The following FNDC1 variants were observed in gnomAD, a reference collection of about 807,000 sequenced individuals.
The protein encoded by FNDC1 is fibronectin type III domain containing 1.
A neutral mutation model predicts 168.0 loss-of-function variants in FNDC1; 96 were observed. The ratio of observed to expected loss-of-function variants is 0.57; its 90% CI spans 0.48 to 0.68. The LOEUF (loss-of-function observed/expected upper bound fraction) is 0.68. Among genes scored for constraint, FNDC1 ranks in the 30% least tolerant of loss-of-function variants. FNDC1 has a pLI of 0.00. For missense variants in FNDC1, 2,587 were observed against 2,482.1 expected (o/e 1.04, Z -0.90); for synonymous variants, 1,099 against 1,025.9 (o/e 1.07, Z -1.36).
chr6:159,218,879 C>T (rs563270068), intron 5 of FNDC1, among the ~76,000 whole-genome samples: 1 of 152,150 alleles, frequency 6.6e-6, no homozygotes. Context: ...CAAGGGACTT[C>T]CTTCTACAAG....
chr6:159,252,871 AG>A lies in FNDC1; in HGVS notation c.5065+1343del, dbSNP rs551283852. On this transcript the variant is annotated intron_variant, in intron 17 of 22. Transcript: ENST00000297267. The stretch of plus-strand genomic sequence containing the variant: ...AAATATATCACTGCGCCCTGATTCA[AG>A]GGGCTTCTAAGAAACATTGGCTGCA... 1.0e-3 allele frequency among the ~76,000 whole-genome samples: 153 copies of A among 152,342 alleles called. 1 individual carries two copies. The highest frequency in any genetic ancestry group is 1.9e-3 in the Non-Finnish European group (128 of 68,036).
At chr6:159,204,672 A>C (rs1480829207) in intron 4 of FNDC1, among the ~76,000 whole-genome samples, 2 of 152,126 alleles carry the variant, frequency 1.3e-5, no homozygotes, top group African/African-American at 4.8e-5. Flanking sequence ...CCAGCTATCT[A>C]GCTTTCTCTG....
chr6:159,265,939 C>A, intron 20 of FNDC1, 145 bp from the exon 21 acceptor site: 3 of 889,646 alleles, frequency 3.4e-6, no homozygotes, highest in Non-Finnish European at 4.9e-6. Flanking sequence ...AACAAACAAA[C>A]AAACAACAAC....
intron 22 of FNDC1, 88 bp downstream of exon 22, chr6:159,268,014 T>A: frequency 7.1e-7 from 1 of 1,410,560 alleles, no homozygotes; most frequent in East Asian, 2.5e-5. Context: ...GGTCTGCCTT[T>A]GCCTTGTCAT....
intron 22 of FNDC1, among the ~76,000 whole-genome samples, chr6:159,268,270 G>C (rs1429032710): frequency 6.6e-6 from 1 of 151,986 alleles, no homozygotes; most frequent in Non-Finnish European, 1.5e-5. Flanking sequence ...TAATCTCAAA[G>C]GTTAACAATT....
rs2115041850 is a variant in FNDC1, at chr6:159,271,973, A to T, written c.*531A>T. ...TGAAATTTACTCTATGGACTTACCCACTGCTAGAATAAATGTATCAAATCT... is the reference window on the plus strand; with the variant it reads ...TGAAATTTACTCTATGGACTTACCCTCTGCTAGAATAAATGTATCAAATCT... On this transcript the variant is annotated 3_prime_UTR_variant, in exon 23 of 23. Coordinates refer to ENST00000297267, the MANE Select transcript of FNDC1 (RefSeq NM_032532.3). 1 of 153,254 alleles carries T rather than the reference A, an allele frequency of 6.5e-6. No individual in the cohort carries two copies. The highest frequency in any genetic ancestry group is 1.5e-5 in the Non-Finnish European group (1 of 68,710). 9.5% of individuals were successfully genotyped at this position (153,254 alleles called of 1,614,324 possible). A position where few individuals can be genotyped will look rare whatever the true frequency, so the allele number is the denominator to read the frequency against.
rs1421800148 is a variant in FNDC1 at position 159,169,595 on chromosome 6, C to G, written c.-2C>G. ...CCAGCCCCGGCCCACCCCGGGCTCT[C>G]GATGGCCCCCGAGGCCGGGGCGACC... is the stretch of plus-strand genomic sequence containing the variant. On this transcript the variant is annotated 5_prime_UTR_variant, in exon 1 of 23. Transcript: ENST00000297267. The surrounding 1 kb of genome is among the most constrained non-coding windows in gnomAD (Gnocchi z 6.8). 5.4e-6 allele frequency: 6 copies of G among 1,104,984 alleles called. No homozygotes were observed. Among genetic ancestry groups the G allele is most frequent in the Non-Finnish European group, 6.6e-6 (6 of 906,270 alleles). The allele number at this position is 1,104,984 out of a possible 1,614,324, so 68.4% of individuals were successfully genotyped here.
intron 14 of FNDC1, among the ~76,000 whole-genome samples, chr6:159,242,657 C>T (rs1330406024): frequency 6.6e-6 from 1 of 152,012 alleles, no homozygotes; most frequent in East Asian, 1.9e-4. Context: ...TTTTCATCAC[C>T]CCAGGAGAAA....
chr6:159,216,129 T>C (rs1782704896), intron 5 of FNDC1, among the ~76,000 whole-genome samples: 2 of 152,020 alleles, frequency 1.3e-5, no homozygotes, highest in African/African-American at 2.4e-5. Flanking sequence ...ACCCAGCTGA[T>C]TTTTGTATTT....
At chr6:159,219,249 A>C (rs437074) in intron 5 of FNDC1, among the ~76,000 whole-genome samples, 70,384 of 152,012 alleles carry the variant, frequency 0.46, 17,829 homozygotes, top group East Asian at 0.68. Context: ...CCATGTTGGC[A>C]AGGCTGGCCT....
At chr6:159,257,899 C>A (rs1777407677) in intron 18 of FNDC1, among the ~76,000 whole-genome samples, 1 of 125,578 alleles carries the variant, frequency 8.0e-6, no homozygotes, top group African/African-American at 2.9e-5. Flanking sequence ...AAAATGGAGT[C>A]AATGTCTTTT....
intron 17 of FNDC1, among the ~76,000 whole-genome samples, chr6:159,252,190 G>A (rs1373011578): frequency 1.3e-5 from 2 of 152,184 alleles, no homozygotes; most frequent in Admixed American, 6.5e-5. Flanking sequence ...CTTATGGAAA[G>A]AGAATTGATA....
intron 10 of FNDC1, among the ~76,000 whole-genome samples, chr6:159,230,856 T>C (rs1398657393): frequency 2.0e-5 from 3 of 152,208 alleles, no homozygotes; most frequent in Non-Finnish European, 4.4e-5. Flanking sequence ...CACTGCAATA[T>C]AGGTTCCTCT....
chr6:159,182,138 A>G (rs530014027), intron 1 of FNDC1, among the ~76,000 whole-genome samples: 4 of 152,312 alleles, frequency 2.6e-5, no homozygotes, highest in African/African-American at 7.2e-5. Context: ...CTGCATCATG[A>G]CTGCACTTTC....
rs535041039 is a variant in FNDC1, at chr6:159,197,570, T to C, written c.249T>C (p.Ser83=). The C allele has an allele frequency of 9.9e-5, 160 of 1,613,884 alleles. No individual in the cohort carries two copies. The African/African-American group carries it at 1.1e-3, about 11-fold the overall frequency. Residue 83 remains serine, a synonymous_variant, in exon 2 of 23, where the codon AGT becomes AGC. Coordinates refer to ENST00000297267, the MANE Select transcript of FNDC1 (RefSeq NM_032532.3). ...TTGCCTATGGGAAGTCACTGAAAAG[T>C]CTTAAATACATCAAGGTGAATGCGG... ...YNIAYGKSLK[S]LKYIKVNAET...
Position 159,267,906 on chromosome 6 carries a change from A to G in FNDC1, c.5549A>G (p.Glu1850Gly), listed in dbSNP as rs1246993853. ...DGRTGPQSYV[E>G]ALPTIQGYYR... Reference sequence around the variant, plus strand: ...AGAACAGGGCCTCAGTCCTATGTAGAAGCCCTCCCTACTATTCAAGGTAAT... The same window carrying G: ...AGAACAGGGCCTCAGTCCTATGTAGGAGCCCTCCCTACTATTCAAGGTAAT... Residue 1850 changes from glutamate (E) to glycine (G), a missense_variant, in exon 22 of 23, where the codon GAA becomes GGA. Coordinates refer to ENST00000297267, the MANE Select transcript of FNDC1 (RefSeq NM_032532.3). 6.2e-7 allele frequency: 1 copy of G among 1,611,388 alleles called. No homozygotes were observed. Among genetic ancestry groups the G allele is most frequent in the Non-Finnish European group, 8.5e-7 (1 of 1,178,662 alleles).
At chr6:159,216,476 T>G (rs1483058952) in intron 5 of FNDC1, among the ~76,000 whole-genome samples, 1 of 152,212 alleles carries the variant, frequency 6.6e-6, no homozygotes, top group Non-Finnish European at 1.5e-5. Flanking sequence ...TAAGCCTGGA[T>G]AGCGGACATA....
At chr6:159,237,959 G>A (rs774281738) in intron 12 of FNDC1, among the ~76,000 whole-genome samples, 2 of 152,092 alleles carry the variant, frequency 1.3e-5, no homozygotes, top group Non-Finnish European at 2.9e-5. Context: ...GAGACACATT[G>A]TTTCCTTCTT....
intron 1 of FNDC1, among the ~76,000 whole-genome samples, chr6:159,186,391 A>G (rs1782000233): frequency 6.6e-6 from 1 of 152,238 alleles, no homozygotes; most frequent in Non-Finnish European, 1.5e-5. Context: ...AACCCTTGAG[A>G]TAATGAGAGT....
Sources: allele counts gnomAD v4.1 joint callset (sites outside exome capture counted in the v4.1 genomes callset), GRCh38; gene constraint gnomAD v4.1.1; non-coding constraint Gnocchi (gnomAD v3.1); transcripts MANE v1.5; gene names NCBI Gene and HGNC (gene_info 2026-07-23, HGNC 2026-07-21).